The following CNTN5 variants were observed in gnomAD, a reference collection of about 807,000 sequenced individuals.
The protein encoded by CNTN5 is contactin 5, also known as contactin-5.
CNTN5 carries 77 observed loss-of-function variants against 129.1 expected under a neutral mutation model. The ratio of observed to expected loss-of-function variants is 0.60; its 90% CI spans 0.50 to 0.72. CNTN5 has a LOEUF of 0.72. Among genes scored for constraint, CNTN5 ranks in the 30% least tolerant of loss-of-function variants. The pLI is 0.00. For synonymous variants in CNTN5, 509 were observed against 465.6 expected, an observed-to-expected ratio of 1.09 and a Z score of -1.20; for missense variants, 1,478 against 1,328.8, an observed-to-expected ratio of 1.11 and a Z score of -1.75.
rs796751648 is a variant in CNTN5, at chr11:99,598,258, CCTTTTCTTTT to C, written c.55+42047_55+42056del. On this transcript the variant is annotated intron_variant, in intron 3 of 24. Transcript: ENST00000524871. The stretch of plus-strand genomic sequence containing the variant: ...TCTTTCCTTCCTTTTTCTTAGCTTT[CCTTTTCTTTT>C]CTTTTCTTTTCTTTTCTTTTCTTTT... 1.0e-3 allele frequency among the ~76,000 whole-genome samples: 98 copies of C among 93,612 alleles called. 2 individuals carry two copies. Among genetic ancestry groups the C allele is most frequent in the African/African-American group, 4.0e-3 (95 of 23,690 alleles). The allele number at this position is 93,612 out of a possible 152,430, so 61.4% of individuals were successfully genotyped here.
intron 6 of CNTN5, among the ~76,000 whole-genome samples, chr11:99,882,577 G>A (rs1169442052): frequency 1.3e-5 from 2 of 151,880 alleles, no homozygotes; most frequent in African/African-American, 4.8e-5. Flanking sequence ...TTTAATTTTT[G>A]TGGGTACATA....
At chr11:99,401,979 A>G (rs2136213421) in intron 2 of CNTN5, among the ~76,000 whole-genome samples, 1 of 152,236 alleles carries the variant, frequency 6.6e-6, no homozygotes, top group East Asian at 1.9e-4. Context: ...TGGAGTCTGT[A>G]GGTTTTTTCA....
intron 1 of CNTN5, among the ~76,000 whole-genome samples, chr11:99,073,461 A>G (rs1260709099): frequency 7.2e-6 from 1 of 139,564 alleles, no homozygotes; most frequent in African/African-American, 2.7e-5. Context: ...TACACGTGTC[A>G]TGGTGGTTTG....
intron 3 of CNTN5, among the ~76,000 whole-genome samples, chr11:99,656,038 G>T (rs1274864972): frequency 1.3e-5 from 2 of 151,950 alleles, no homozygotes; most frequent in Non-Finnish European, 2.9e-5. Context: ...ATGTGTGTAT[G>T]TGTGTATATA....
intron 3 of CNTN5, among the ~76,000 whole-genome samples, chr11:99,631,457 A>G (rs1362309434): frequency 6.6e-5 from 10 of 152,036 alleles, no homozygotes; most frequent in Non-Finnish European, 4.4e-5. Flanking sequence ...GTTTAATTAT[A>G]AAAACATTAT....
intron 3 of CNTN5, among the ~76,000 whole-genome samples, chr11:99,561,618 A>C (rs1298020676): frequency 1.1e-5 from 1 of 90,118 alleles, no homozygotes; most frequent in Non-Finnish European, 2.4e-5. Context: ...CCATGTAATA[A>C]TCATGATCAA....
intron 7 of CNTN5, among the ~76,000 whole-genome samples, chr11:99,945,739 T>C (rs1327299575): frequency 6.6e-6 from 1 of 152,028 alleles, no homozygotes; most frequent in Non-Finnish European, 1.5e-5. Flanking sequence ...CGTTTTTGCA[T>C]TGGTATAAAG....
At chr11:99,502,420 G>T (rs1014908880) in intron 2 of CNTN5, among the ~76,000 whole-genome samples, 2 of 151,954 alleles carry the variant, frequency 1.3e-5, no homozygotes, top group Non-Finnish European at 1.5e-5. Context: ...ACGGGGGTTG[G>T]GGGGGTGGTT....
At chr11:99,323,897 G>A (rs1207319923) in intron 1 of CNTN5, among the ~76,000 whole-genome samples, 1 of 152,110 alleles carries the variant, frequency 6.6e-6, no homozygotes, top group Admixed American at 6.6e-5. Context: ...GGACAAAAGC[G>A]AGGAAAAGAG....
intron 3 of CNTN5, among the ~76,000 whole-genome samples, chr11:99,594,103 C>T (rs1298016010): frequency 2.6e-5 from 4 of 152,162 alleles, no homozygotes; most frequent in Non-Finnish European, 5.9e-5. Flanking sequence ...AGAATAGTCT[C>T]TATTTTTCAT....
At chr11:99,241,318 G>GTTTTTTTTTTTTTTTTTTTTTTTTT (rs10648459) in intron 1 of CNTN5, among the ~76,000 whole-genome samples, 12 of 88,040 alleles carry the variant, frequency 1.4e-4, no homozygotes, top group African/African-American at 2.2e-4. Flanking sequence ...TTGATTGTTG[G>GTTTTTTTTTTTTTTTTTTTTTTTTT]TTTTTTTTTT....
chr11:100,292,162 C>T (rs114993030), intron 18 of CNTN5, among the ~76,000 whole-genome samples: 1 of 151,992 alleles, frequency 6.6e-6, no homozygotes, highest in Non-Finnish European at 1.5e-5. Context: ...TTGTACTTTC[C>T]AGCGGTGCTC....
At chr11:99,373,855 AT>A (rs1939988845) in intron 2 of CNTN5, among the ~76,000 whole-genome samples, 1 of 152,128 alleles carries the variant, frequency 6.6e-6, no homozygotes, top group Non-Finnish European at 1.5e-5. Context: ...AAATTTTTAC[AT>A]TATGATTACA....
intron 15 of CNTN5, among the ~76,000 whole-genome samples, chr11:100,215,768 T>C (rs1949126756): frequency 6.6e-6 from 1 of 152,134 alleles, no homozygotes; most frequent in Non-Finnish European, 1.5e-5. Flanking sequence ...GCAGGTATTG[T>C]ACTCTAGAGA....
intron 3 of CNTN5, among the ~76,000 whole-genome samples, chr11:99,744,543 T>TAAAAAAAAAAAAAAAAA (rs553540845): frequency 8.0e-5 from 3 of 37,478 alleles, no homozygotes; most frequent in Non-Finnish European, 1.3e-4. Flanking sequence ...TACAAAAAGT[T>TAAAAAAAAAAAAAAAAA]AAAAAAAAAA....
In CNTN5 at chr11:99,690,566, C is replaced by A. The variant is rs188578063; in HGVS notation, c.56-128978C>A. Among the ~76,000 whole-genome samples, 4 of 151,422 alleles carry A rather than the reference C, an allele frequency of 2.6e-5. No homozygotes were observed. In the East Asian group the frequency reaches 5.8e-4, roughly 22 times the overall value. On this transcript the variant is annotated intron_variant, in intron 3 of 24. Transcript: ENST00000524871. Reference sequence around the variant, plus strand: ...AATCTCTAAATTGCTTTAGTCAGTTCGGCCATTTTAAAAAAACTGATTCTT... The same window carrying A: ...AATCTCTAAATTGCTTTAGTCAGTTAGGCCATTTTAAAAAAACTGATTCTT...
At chr11:99,309,639 C>T (rs1475747335) in intron 1 of CNTN5, among the ~76,000 whole-genome samples, 2 of 152,214 alleles carry the variant, frequency 1.3e-5, no homozygotes, top group Non-Finnish European at 2.9e-5. Flanking sequence ...CCAACTTCCA[C>T]TTATCAATAC....
chr11:99,092,719 T>C (rs1866304297), intron 1 of CNTN5, among the ~76,000 whole-genome samples: 1 of 152,080 alleles, frequency 6.6e-6, no homozygotes, highest in African/African-American at 2.4e-5. Flanking sequence ...GTTATATTAC[T>C]GAATAAAGTA....
intron 2 of CNTN5, among the ~76,000 whole-genome samples, chr11:99,432,359 A>G (rs370564287): frequency 7.9e-5 from 12 of 152,112 alleles, no homozygotes; most frequent in South Asian, 6.2e-4. Flanking sequence ...CGTCAACTGC[A>G]CAGATACAAA....
Sources: allele counts gnomAD v4.1 joint callset (sites outside exome capture counted in the v4.1 genomes callset), GRCh38; gene constraint gnomAD v4.1.1; transcripts MANE v1.5; gene names NCBI Gene and HGNC (gene_info 2026-07-23, HGNC 2026-07-21).